DIPK2B: variants seen among roughly 807,000 people sequenced by gnomAD.
The protein encoded by DIPK2B is UPF0672 protein CXorf36.
DIPK2B carries 15 observed loss-of-function variants against 22.2 expected under a neutral mutation model. The observed-to-expected ratio is 0.68, with a 90% confidence interval of 0.45 to 1.04. The LOEUF is 1.04. DIPK2B is among the 50% of genes least tolerant of loss of function. DIPK2B has a pLI of 0.00. For missense variants in DIPK2B, 345 were observed against 348.3 expected, an observed-to-expected ratio of 0.99 and a Z score of 0.08; for synonymous variants, 163 against 153.2, an observed-to-expected ratio of 1.06 and a Z score of -0.47.
Position 45,191,427 on chromosome X carries a change from G to A in DIPK2B, c.498+324C>T, listed in dbSNP as rs139516579. The A allele has an allele frequency of 4.1e-3, 1,076 of 260,163 alleles. 13 individuals are homozygous for A. The highest frequency in any genetic ancestry group is 0.028 in the African/African-American group (996 of 36,066). 21.4% of individuals were successfully genotyped at this position (260,163 alleles called of 1,213,427 possible). On this transcript the variant is annotated intron_variant, in intron 2 of 4. Coordinates refer to ENST00000398000, the MANE Select transcript of DIPK2B (RefSeq NM_176819.4). Reference sequence around the variant, plus strand: ...AGCTGTCAGAGAATGATGCAGGTGAGTTGAGCCCTGGCAGAGGGGTGGACT... The same window carrying A: ...AGCTGTCAGAGAATGATGCAGGTGAATTGAGCCCTGGCAGAGGGGTGGACT...
chrX:45,191,767 G>A lies in DIPK2B; in HGVS notation c.482C>T (p.Thr161Met), dbSNP rs1411668419. The change falls in exon 2 of 5, where the codon ACG becomes ATG. Residue 161 changes from threonine (T) to methionine (M), a missense_variant. Coordinates refer to ENST00000398000, the MANE Select transcript of DIPK2B (RefSeq NM_176819.4). ...CACACTCACCTGCACCAGGTCCGGC[G>A]TGAGGCGCTTGGCCTGCAGCCATTT... is the stretch of plus-strand genomic sequence containing the variant. Reference protein sequence around the residue: ...FQKWLQAKRLTPDLVQGLASP... With the variant: ...FQKWLQAKRLMPDLVQGLASP... The A allele has an allele frequency of 1.2e-5, 14 of 1,211,299 alleles. No homozygotes were observed. The highest frequency in any genetic ancestry group is 2.2e-5 in the Admixed American group (1 of 46,086).
intron 1 of DIPK2B, among the ~76,000 whole-genome samples, chrX:45,198,984 T>C (rs752541927): frequency 9.0e-6 from 1 of 111,428 alleles, no homozygotes; most frequent in South Asian, 3.8e-4. Context: ...GTCCGTCCTG[T>C]CCACTTTGCA....
chrX:45,171,614 C>A (rs748715107), intron 2 of DIPK2B, among the ~76,000 whole-genome samples: 171 of 111,749 alleles, frequency 1.5e-3, no homozygotes, highest in African/African-American at 5.4e-3. Context: ...GCCTTATTCT[C>A]ACTTCCACGT....
intron 1 of DIPK2B, among the ~76,000 whole-genome samples, chrX:45,193,887 T>C (rs1305511493): frequency 1.8e-5 from 2 of 110,801 alleles, no homozygotes; most frequent in African/African-American, 6.6e-5. Flanking sequence ...CTGCTCCTGC[T>C]CATGGAGTTT....
At chrX:45,173,270 G>A (rs771821488) in intron 2 of DIPK2B, among the ~76,000 whole-genome samples, 2 of 111,344 alleles carry the variant, frequency 1.8e-5, no homozygotes, top group Admixed American at 1.9e-4. Flanking sequence ...GCTCACTGGA[G>A]CCTAACTGCC....
chrX:45,155,191 C>T lies in DIPK2B; in HGVS notation c.673-993G>A, dbSNP rs186442600. Among the ~76,000 whole-genome samples, 17 of 106,378 alleles carry T rather than the reference C, an allele frequency of 1.6e-4. No individual in the cohort carries two copies. In the South Asian group the frequency reaches 2.6e-3, roughly 17 times the overall value. 92.4% of individuals were successfully genotyped at this position (106,378 alleles called of 115,157 possible). A position where few individuals can be genotyped will look rare whatever the true frequency, so the allele number is the denominator to read the frequency against. On this transcript the variant is annotated intron_variant, in intron 3 of 4. Coordinates refer to ENST00000398000, the MANE Select transcript of DIPK2B (RefSeq NM_176819.4). Reference sequence around the variant, plus strand: ...TAATCCCAGCACTTTGGGAGGCCGACGCAGGTGGATCACTTGAGGACAGCA... The same window carrying T: ...TAATCCCAGCACTTTGGGAGGCCGATGCAGGTGGATCACTTGAGGACAGCA...
chrX:45,186,742 G>A (rs754403032), intron 2 of DIPK2B, among the ~76,000 whole-genome samples: 1 of 111,725 alleles, frequency 9.0e-6, no homozygotes, highest in Admixed American at 9.4e-5. Context: ...TTTATCACAG[G>A]GTGTCTTGTA....
At chrX:45,162,878 AG>A (rs908871631) in intron 2 of DIPK2B, 2 of 752,416 alleles carry the variant, frequency 2.7e-6, no homozygotes, top group African/African-American at 4.6e-5. Context: ...GTTACTTGAT[AG>A]GGGCCTTTGG....
At chrX:45,189,973 T>C (rs2047202669) in intron 2 of DIPK2B, among the ~76,000 whole-genome samples, 1 of 112,291 alleles carries the variant, frequency 8.9e-6, no homozygotes, top group African/African-American at 3.2e-5. Flanking sequence ...TGTTAATAGA[T>C]GCTGTTTTGG....
At chrX:45,159,235 C>A (rs1001060478) in intron 2 of DIPK2B, among the ~76,000 whole-genome samples, 1 of 111,344 alleles carries the variant, frequency 9.0e-6, no homozygotes, top group East Asian at 2.8e-4. Context: ...ACTAATTGAC[C>A]AGAGCAACAA....
At position 45,151,982 on chromosome X, in the gene DIPK2B, T is replaced by C; in HGVS notation, c.972A>G (p.Glu324=). The C allele has an allele frequency of 8.6e-7, 1 of 1,169,213 alleles. No homozygotes were observed. The highest frequency in any genetic ancestry group is 1.1e-6 in the Non-Finnish European group (1 of 873,176). The change falls in exon 5 of 5, where the codon GAA becomes GAG. Residue 324 remains glutamate (E), a synonymous_variant. Transcript: ENST00000398000. ...CTTTATTCTCTCCTGCCCTGTTGGCTTCTTGGCTGCCTAGAAAAGAAATGG... is the reference window on the plus strand; with the variant it reads ...CTTTATTCTCTCCTGCCCTGTTGGCCTCTTGGCTGCCTAGAAAAGAAATGG... ...GVIDKQEGSQ[E]ANRAGENKDI... is the part of the protein sequence containing the mutation.
At chrX:45,169,123 G>T (rs144797192) in intron 2 of DIPK2B, among the ~76,000 whole-genome samples, 1,790 of 111,469 alleles carry the variant, frequency 0.016, 10 homozygotes, top group Non-Finnish European at 0.024. Context: ...CTGGTTTTAA[G>T]AATTAAATCA....
intron 3 of DIPK2B, among the ~76,000 whole-genome samples, chrX:45,156,485 G>C (rs2046996594): frequency 8.9e-6 from 1 of 112,145 alleles, no homozygotes; most frequent in Non-Finnish European, 1.9e-5. Context: ...AAAGATCTGT[G>C]AGAGTGCAGG....
At chrX:45,161,339 C>T (rs772638145) in intron 2 of DIPK2B, among the ~76,000 whole-genome samples, 69 of 112,180 alleles carry the variant, frequency 6.2e-4, no homozygotes, top group Non-Finnish European at 1.1e-3. Context: ...TACAGGAGTT[C>T]GAGACCAGCC....
chrX:45,193,697 C>A (rs1023315866), intron 1 of DIPK2B, among the ~76,000 whole-genome samples: 3 of 112,310 alleles, frequency 2.7e-5, no homozygotes, highest in African/African-American at 9.7e-5. Flanking sequence ...GAAGTAGGCA[C>A]AAAGGATTCT....
chrX:45,173,201 T>G (rs1419345650), intron 2 of DIPK2B, among the ~76,000 whole-genome samples: 1 of 112,182 alleles, frequency 8.9e-6, no homozygotes, highest in Non-Finnish European at 1.9e-5. Flanking sequence ...AGCTGTCACA[T>G]CACCTTTGGC....
chrX:45,197,868 CAT>C (rs1324529426), intron 1 of DIPK2B, among the ~76,000 whole-genome samples: 1 of 111,739 alleles, frequency 8.9e-6, no homozygotes, highest in African/African-American at 3.3e-5. Context: ...GTGCACAAAA[CAT>C]AGCTACAGGG....
chrX:45,181,157 T>C (rs1428226858), intron 2 of DIPK2B, among the ~76,000 whole-genome samples: 1 of 111,436 alleles, frequency 9.0e-6, no homozygotes, highest in Admixed American at 9.6e-5. Flanking sequence ...ACATCAAATA[T>C]CCAAGATAGC....
chrX:45,172,827 T>C (rs186445997), intron 2 of DIPK2B, among the ~76,000 whole-genome samples: 1,203 of 112,017 alleles, frequency 0.011, 5 homozygotes, highest in Non-Finnish European at 0.016. Context: ...GTTTTCTTTT[T>C]TCTTCTTCTT....
Sources: gnomAD v4.1 joint callset for allele counts (sites outside exome capture counted in the v4.1 genomes callset) on GRCh38, gnomAD v4.1.1 for gene constraint, MANE v1.5 for transcripts, NCBI Gene and HGNC (gene_info 2026-07-23, HGNC 2026-07-21) for gene names.